Variants in SMAD6 observed in about 807,000 individuals in gnomAD.
SMAD6 encodes the protein SMAD family member 6.
SMAD6 carries 103 observed loss-of-function variants against 39.4 expected under a neutral mutation model. The observed-to-expected ratio is 2.62, with a 90% CI of 2.23 to 3.08. The LOEUF is 3.08. Among genes scored for constraint, SMAD6 ranks in the 30% most tolerant of loss-of-function variants. The probability of loss-of-function intolerance (pLI) is 0.00; values close to 1 mark genes in which losing one functional copy is unlikely to be tolerated. For synonymous variants in SMAD6, 445 were observed against 353.3 expected (o/e 1.26, Z -2.91); for missense variants, 1,104 against 742.9 (o/e 1.49, Z -5.65).
At chr15:66,780,296 C>G (rs76418228) in intron 3 of SMAD6, among the ~76,000 whole-genome samples, 10,698 of 152,224 alleles carry the variant, frequency 0.07, 437 homozygotes, top group Admixed American at 0.12. Context: ...GTCAAGCAGT[C>G]ATATTTATAA....
At chr15:66,777,380 C>T (rs1252094601) in intron 3 of SMAD6, among the ~76,000 whole-genome samples, 1 of 152,124 alleles carries the variant, frequency 6.6e-6, no homozygotes, top group Non-Finnish European at 1.5e-5. Flanking sequence ...TTCCTGTCCC[C>T]TTCCCTTTTA....
chr15:66,712,528 A>G (rs1178736404), intron 2 of SMAD6, among the ~76,000 whole-genome samples: 1 of 152,010 alleles, frequency 6.6e-6, no homozygotes, highest in Non-Finnish European at 1.5e-5. Context: ...AAAATACAAA[A>G]ATTAGCCGGG....
At chr15:66,745,504 G>A (rs1312740747) in intron 3 of SMAD6, among the ~76,000 whole-genome samples, 1 of 152,098 alleles carries the variant, frequency 6.6e-6, no homozygotes, top group Non-Finnish European at 1.5e-5. Flanking sequence ...CCTTCCCCAC[G>A]GGTCAAGGGG....
At chr15:66,725,295 G>T (rs1377427455) in intron 3 of SMAD6, among the ~76,000 whole-genome samples, 5 of 152,154 alleles carry the variant, frequency 3.3e-5, no homozygotes, top group African/African-American at 1.2e-4. Flanking sequence ...ATGCCCCCCA[G>T]TCAGGACCTG....
chr15:66,754,410 T>C (rs1256443310), intron 3 of SMAD6, among the ~76,000 whole-genome samples: 1 of 152,192 alleles, frequency 6.6e-6, no homozygotes, highest in African/African-American at 2.4e-5. Flanking sequence ...CACCTTCCAC[T>C]TGCACGTGGA....
intron 3 of SMAD6, among the ~76,000 whole-genome samples, chr15:66,762,115 A>T (rs1048108760): frequency 6.6e-6 from 1 of 152,226 alleles, no homozygotes; most frequent in Non-Finnish European, 1.5e-5. Flanking sequence ...TTTTGATGTG[A>T]GAGAAAAAAA....
chr15:66,721,396 G>A (rs968794509), intron 3 of SMAD6, among the ~76,000 whole-genome samples: 14 of 144,028 alleles, frequency 9.7e-5, no homozygotes, highest in African/African-American at 3.8e-4. Flanking sequence ...GTGTGTTCTC[G>A]TCCAACAACA....
rs1351609155 is a variant in SMAD6, at chr15:66,703,286, G to T, written c.28G>T (p.Val10Leu). 1 of 1,491,332 alleles carries T rather than the reference G, an allele frequency of 6.7e-7. No homozygotes were observed. The highest frequency in any genetic ancestry group is 2.3e-5 in the Admixed American group (1 of 42,746). The allele number at this position is 1,491,332 out of a possible 1,614,324, so 92.4% of individuals were successfully genotyped here. A position where few individuals can be genotyped will look rare whatever the true frequency, so the allele number is the denominator to read the frequency against. ...GTTCAGGTCCAAACGCTCGGGGCTGGTGCGGCGACTTTGGCGAAGTCGTGT... is the reference window on the plus strand; with the variant it reads ...GTTCAGGTCCAAACGCTCGGGGCTGTTGCGGCGACTTTGGCGAAGTCGTGT... MFRSKRSGL[V>L]RRLWRSRVVP... Residue 10 changes from valine to leucine, a missense_variant, in exon 1 of 4, where the codon GTG (valine) becomes TTG (leucine). Coordinates refer to ENST00000288840, the MANE Select transcript of SMAD6 (RefSeq NM_005585.5).
rs1329303100 is a variant in SMAD6, at chr15:66,782,546, TGTA to T, written c.*1012_*1014del. ...CATCCAGGGCTGTATTAATGATTTATGTAAAGGCAGATGGTTTATTTCTACTTT... is the reference window on the plus strand; with the variant it reads ...CATCCAGGGCTGTATTAATGATTTATAAGGCAGATGGTTTATTTCTACTTT... On this transcript the variant is annotated 3_prime_UTR_variant, in exon 4 of 4. Transcript: ENST00000288840. 1 of 152,208 alleles carries T rather than the reference TGTA, an allele frequency of 6.6e-6. No individual in the cohort carries two copies. Among genetic ancestry groups the T allele is most frequent in the Non-Finnish European group, 1.5e-5 (1 of 68,050 alleles). The allele number at this position is 152,208 out of a possible 1,614,324, so 9.4% of individuals were successfully genotyped here. A position where few individuals can be genotyped will look rare whatever the true frequency, so the allele number is the denominator to read the frequency against.
intron 3 of SMAD6, among the ~76,000 whole-genome samples, chr15:66,778,968 T>C (rs1235015257): frequency 2.0e-5 from 3 of 152,198 alleles, no homozygotes; most frequent in Non-Finnish European, 2.9e-5. Context: ...GACACACTCG[T>C]GGAATTCTTG....
intron 3 of SMAD6, among the ~76,000 whole-genome samples, chr15:66,758,654 G>A (rs1410904611): frequency 6.6e-6 from 1 of 152,094 alleles, no homozygotes. Flanking sequence ...CTTGAACCTG[G>A]GAGGCAGAGT....
At position 66,782,674 on chromosome 15, in the gene SMAD6, C is replaced by A. The variant is rs1053224790; in HGVS notation, c.*1139C>A. The A allele has an allele frequency of 6.6e-6, 1 of 152,202 alleles. No homozygotes were observed. Among genetic ancestry groups the A allele is most frequent in the Non-Finnish European group, 1.5e-5 (1 of 68,046 alleles). 9.4% of individuals were successfully genotyped at this position (152,202 alleles called of 1,614,324 possible). ...TGGAATTGTAGGACCAGAGCCATAT[C>A]ATTAGATCAGCTTTCTGAAGAATAT... On this transcript the variant is annotated 3_prime_UTR_variant, in exon 4 of 4. Coordinates refer to ENST00000288840, the MANE Select transcript of SMAD6 (RefSeq NM_005585.5).
chr15:66,711,296 T>C lies in SMAD6; in HGVS notation c.818-372T>C, dbSNP rs1000968499. ...TGTTAAAGTAGTAACAGTTACTGTT[T>C]ATGGAGGTGTTTTTGGACAGGGCCA... On this transcript the variant is annotated intron_variant, in intron 1 of 3. Transcript: ENST00000288840. Among the ~76,000 whole-genome samples the C allele has an allele frequency of 8.4e-4, 128 of 152,174 alleles. 3 individuals carry two copies. The highest frequency in any genetic ancestry group is 8.1e-3 in the Admixed American group (124 of 15,272).
intron 3 of SMAD6, among the ~76,000 whole-genome samples, chr15:66,748,178 AAT>A (rs1462771440): frequency 2.6e-5 from 4 of 152,188 alleles, no homozygotes; most frequent in Non-Finnish European, 5.9e-5. Context: ...TAATTGAAAA[AAT>A]ATGTGTGCTT....
intron 3 of SMAD6, among the ~76,000 whole-genome samples, chr15:66,761,630 A>T (rs892626657): frequency 6.6e-6 from 1 of 152,222 alleles, no homozygotes; most frequent in African/African-American, 2.4e-5. Context: ...CCGAGGCAGC[A>T]GCCCTAGCTA....
At chr15:66,732,556 C>G (rs2140626782) in intron 3 of SMAD6, among the ~76,000 whole-genome samples, 1 of 152,210 alleles carries the variant, frequency 6.6e-6, no homozygotes, top group South Asian at 2.1e-4. Context: ...GAGACAGAGT[C>G]TTGCTATGTT....
At chr15:66,733,872 TA>T (rs2140628142) in intron 3 of SMAD6, among the ~76,000 whole-genome samples, 1 of 152,322 alleles carries the variant, frequency 6.6e-6, no homozygotes, top group African/African-American at 2.4e-5. Context: ...GATGTTCACA[TA>T]AACTGCAGGA....
intron 3 of SMAD6, among the ~76,000 whole-genome samples, chr15:66,761,011 A>G (rs1316476950): frequency 6.6e-6 from 1 of 152,232 alleles, no homozygotes; most frequent in Admixed American, 6.5e-5. Context: ...CCCATGAATG[A>G]GAACCTCCAG....
At chr15:66,724,285 GGAATGAAT>G (rs111450497) in intron 3 of SMAD6, among the ~76,000 whole-genome samples, 14 of 150,618 alleles carry the variant, frequency 9.3e-5, no homozygotes, top group South Asian at 4.2e-4. Flanking sequence ...GAGTCATTGT[GGAATGAAT>G]GAATGAATGA....
Sources: allele counts gnomAD v4.1 joint callset (sites outside exome capture counted in the v4.1 genomes callset), GRCh38; gene constraint gnomAD v4.1.1; transcripts MANE v1.5; gene names NCBI Gene and HGNC (gene_info 2026-07-23, HGNC 2026-07-21).